The following ANKS1B variants were observed in gnomAD, a reference collection of about 807,000 sequenced individuals.
The protein encoded by ANKS1B is ankyrin repeat and sterile alpha motif domain containing 1B.
ANKS1B carries 36 observed loss-of-function variants against 148.3 expected under a neutral mutation model. The observed-to-expected ratio is 0.24, with a 90% CI of 0.19 to 0.32. The LOEUF is 0.32. Ranked by LOEUF, ANKS1B falls within the 10% of genes least tolerant of loss-of-function variation. The pLI is 1.00. For synonymous variants in ANKS1B, 542 were observed against 560.8 expected, an observed-to-expected ratio of 0.97 and a Z score of 0.47; for missense variants, 1,157 against 1,542.6, an observed-to-expected ratio of 0.75 and a Z score of 4.19.
At chr12:99,683,829 A>G (rs1414906419) in intron 8 of ANKS1B, among the ~76,000 whole-genome samples, 1 of 152,160 alleles carries the variant, frequency 6.6e-6, no homozygotes, top group Non-Finnish European at 1.5e-5. Context: ...ACATACACAA[A>G]TAAATGTGAT....
intron 9 of ANKS1B, among the ~76,000 whole-genome samples, chr12:99,641,278 A>T (rs2098301710): frequency 6.6e-6 from 1 of 152,224 alleles, no homozygotes; most frequent in African/African-American, 2.4e-5. Context: ...AACAAACAGG[A>T]ACTAGCGTCC....
Position 99,787,913 on chromosome 12 carries a change from C to T in ANKS1B, c.670-5816G>A, listed in dbSNP as rs140143464. ...CTGTGTGGGGTTCCGCCAGTGCCCA[C>T]ACATTGAGGGGACATTTGCACCAGC... On this transcript the variant is annotated intron_variant, in intron 4 of 26. Coordinates refer to ENST00000683438, the MANE Select transcript of ANKS1B (RefSeq NM_001352186.2). Among the ~76,000 whole-genome samples the T allele has an allele frequency of 5.1e-3, 777 of 152,328 alleles. 2 individuals are homozygous for T. The highest frequency in any genetic ancestry group is 7.6e-3 in the Non-Finnish European group (514 of 68,028).
chr12:99,822,654 G>A (rs1267064444), intron 2 of ANKS1B, among the ~76,000 whole-genome samples: 4 of 152,176 alleles, frequency 2.6e-5, no homozygotes, highest in Non-Finnish European at 5.9e-5. Context: ...ATTCCATGGT[G>A]CATATGTACT....
intron 9 of ANKS1B, among the ~76,000 whole-genome samples, chr12:99,645,657 G>A (rs1389873559): frequency 6.6e-6 from 1 of 152,152 alleles, no homozygotes; most frequent in Non-Finnish European, 1.5e-5. Context: ...GAAAGCTGCT[G>A]CATTTTCATA....
chr12:99,032,525 TCTTTTCTTATA>T (rs933861058), intron 17 of ANKS1B, among the ~76,000 whole-genome samples: 12 of 152,330 alleles, frequency 7.9e-5, no homozygotes, highest in African/African-American at 2.9e-4. Flanking sequence ...TTGTCTGTCT[TCTTTTCTTATA>T]AAAACACTTG....
rs558795049 is a variant in ANKS1B, at chr12:98,985,051, T to C, written c.2778+68106A>G. Reference sequence around the variant, plus strand: ...ATAAACAAAAAATGAATGGAAGTTCTTGTAGACAAATATATGTGGTTTGGC... The same window carrying C: ...ATAAACAAAAAATGAATGGAAGTTCCTGTAGACAAATATATGTGGTTTGGC... On this transcript the variant is annotated intron_variant, in intron 17 of 26. Transcript: ENST00000683438. Among the ~76,000 whole-genome samples the C allele has an allele frequency of 9.9e-4, 151 of 152,284 alleles. 1 individual carries two copies. The highest frequency in any genetic ancestry group is 3.5e-3 in the African/African-American group (144 of 41,572).
intron 8 of ANKS1B, among the ~76,000 whole-genome samples, chr12:99,736,069 T>A (rs1347644775): frequency 6.6e-6 from 1 of 151,964 alleles, no homozygotes; most frequent in Admixed American, 6.6e-5. Flanking sequence ...CAATGCTTCA[T>A]GATAAAAATT....
At chr12:99,078,215 T>C (rs536794962) in intron 16 of ANKS1B, among the ~76,000 whole-genome samples, 1 of 152,342 alleles carries the variant, frequency 6.6e-6, no homozygotes, top group Non-Finnish European at 1.5e-5. Flanking sequence ...TGTAACTTTC[T>C]AGCTATGTTA....
chr12:99,430,708 T>C (rs1320798679), intron 11 of ANKS1B, among the ~76,000 whole-genome samples: 1 of 152,184 alleles, frequency 6.6e-6, no homozygotes. Context: ...ATGTTTCTCC[T>C]CTTCAGAGAC....
intron 17 of ANKS1B, among the ~76,000 whole-genome samples, chr12:98,980,819 C>T (rs2099908985): frequency 1.3e-5 from 2 of 152,146 alleles, no homozygotes; most frequent in African/African-American, 4.8e-5. Flanking sequence ...TCTGAGTCAG[C>T]CAGGAAGTAA....
chr12:99,263,321 G>C lies in ANKS1B; in HGVS notation c.1757-16457C>G, dbSNP rs555894561. ...TTTCCAATTTATATTAAAATAGTCTGGGTTGTAAAGTGCTGATACTATATT... is the reference window on the plus strand; with the variant it reads ...TTTCCAATTTATATTAAAATAGTCTCGGTTGTAAAGTGCTGATACTATATT... On this transcript the variant is annotated intron_variant, in intron 12 of 26. Coordinates refer to ENST00000683438, the MANE Select transcript of ANKS1B (RefSeq NM_001352186.2). Among the ~76,000 whole-genome samples the C allele has an allele frequency of 8.6e-5, 13 of 152,010 alleles. No individual in the cohort carries two copies. In the East Asian group the frequency reaches 2.5e-3, roughly 29 times the overall value.
At chr12:99,691,611 C>A (rs151037670) in intron 8 of ANKS1B, among the ~76,000 whole-genome samples, 1 of 152,308 alleles carries the variant, frequency 6.6e-6, no homozygotes, top group South Asian at 2.1e-4. Flanking sequence ...CCATCTGAGA[C>A]CACCTCAGCC....
At chr12:99,469,003 C>G (rs2096188185) in intron 10 of ANKS1B, among the ~76,000 whole-genome samples, 1 of 152,002 alleles carries the variant, frequency 6.6e-6, no homozygotes, top group Non-Finnish European at 1.5e-5. Context: ...ATGTTTATTG[C>G]AGCACTATTC....
At chr12:99,828,274 T>C (rs1311106572) in intron 1 of ANKS1B, among the ~76,000 whole-genome samples, 3 of 152,162 alleles carry the variant, frequency 2.0e-5, no homozygotes, top group Non-Finnish European at 2.9e-5. Flanking sequence ...AGACCCCTGA[T>C]TGGTAGCCTT....
intron 17 of ANKS1B, among the ~76,000 whole-genome samples, chr12:98,855,763 A>T (rs971349291): frequency 7.6e-5 from 11 of 144,766 alleles, no homozygotes; most frequent in South Asian, 4.4e-4. Flanking sequence ...GATTTTTTTT[A>T]AAAAAACAAG....
chr12:99,884,201 T>G (rs1025725837), intron 1 of ANKS1B, among the ~76,000 whole-genome samples: 1 of 151,740 alleles, frequency 6.6e-6, no homozygotes, highest in Non-Finnish European at 1.5e-5. Flanking sequence ...TAAATAAAAA[T>G]CCACAAGAAC....
intron 17 of ANKS1B, among the ~76,000 whole-genome samples, chr12:98,996,466 C>T (rs1260528995): frequency 5.3e-5 from 8 of 152,156 alleles, no homozygotes. Context: ...GATTCTTCCC[C>T]TCCACAGCTC....
chr12:99,650,896 T>TCTG (rs1435480163), intron 9 of ANKS1B, among the ~76,000 whole-genome samples: 1 of 87,924 alleles, frequency 1.1e-5, no homozygotes, highest in East Asian at 1.6e-3. Flanking sequence ...ATACATCACA[T>TCTG]GGTTTGAGAA....
intron 16 of ANKS1B, among the ~76,000 whole-genome samples, chr12:99,060,089 C>T (rs1484119201): frequency 1.3e-5 from 2 of 152,124 alleles, no homozygotes; most frequent in East Asian, 3.9e-4. Flanking sequence ...CGCAACAAGG[C>T]AATTTGATTC....
Sources: gnomAD v4.1 joint callset for allele counts (sites outside exome capture counted in the v4.1 genomes callset) on GRCh38, gnomAD v4.1.1 for gene constraint, MANE v1.5 for transcripts, NCBI Gene and HGNC (gene_info 2026-07-23, HGNC 2026-07-21) for gene names.